NLGN4X: variants seen among roughly 807,000 people sequenced by gnomAD.
The protein encoded by NLGN4X is neuroligin-4, X-linked.
In NLGN4X, 3 loss-of-function variants were observed where a neutral mutation model predicts 40.3. That is an observed-to-expected ratio of 0.07 (90% CI 0.03 to 0.19). NLGN4X has a LOEUF of 0.19. NLGN4X is among the 10% of genes least tolerant of loss of function. NLGN4X has a pLI of 1.00. For synonymous variants in NLGN4X, 270 were observed against 306.8 expected (o/e 0.88, Z 1.25); for missense variants, 382 against 708.3 (o/e 0.54, Z 5.23).
chrX:6,175,315 C>T (rs1437227190), intron 1 of NLGN4X, among the ~76,000 whole-genome samples: 1 of 110,110 alleles, frequency 9.1e-6, no homozygotes, highest in Non-Finnish European at 1.9e-5. Context: ...GTATTTCTGC[C>T]TCAGCGTAGA....
chrX:6,183,065 G>A (rs1226794847), intron 1 of NLGN4X, among the ~76,000 whole-genome samples: 2 of 111,819 alleles, frequency 1.8e-5, no homozygotes, highest in Admixed American at 1.9e-4. Context: ...AGATGTGAAC[G>A]ACTGCATTTC....
chrX:6,188,720 T>C (rs1462946040), intron 1 of NLGN4X, among the ~76,000 whole-genome samples: 1 of 111,823 alleles, frequency 8.9e-6, no homozygotes, highest in Non-Finnish European at 1.9e-5. Flanking sequence ...AGAATTATCC[T>C]GATCATCCCT....
At chrX:6,181,701 A>G (rs989723686) in intron 1 of NLGN4X, among the ~76,000 whole-genome samples, 2 of 111,804 alleles carry the variant, frequency 1.8e-5, no homozygotes, top group Non-Finnish European at 3.8e-5. Flanking sequence ...TTAATCCTTG[A>G]TCCAATCACC....
intron 3 of NLGN4X, among the ~76,000 whole-genome samples, chrX:5,951,320 T>C (rs2034304191): frequency 8.9e-6 from 1 of 111,818 alleles, no homozygotes; most frequent in Admixed American, 9.5e-5. Context: ...TTTCTGACAT[T>C]TGAGCAATTT....
rs184951586 is a variant in NLGN4X, at chrX:6,023,330, C to T, written c.625+5950G>A. On this transcript the variant is annotated intron_variant, in intron 3 of 5. Coordinates refer to ENST00000381095, the MANE Select transcript of NLGN4X (RefSeq NM_181332.3). ...GCCTTCAAGGACCCACTTTGAGGAA[C>T]TTAAAAATACACTGTAAGCATCTTA... Among the ~76,000 whole-genome samples the T allele has an allele frequency of 1.3e-4, 15 of 112,179 alleles. No homozygotes were observed. In the East Asian group the frequency reaches 2.8e-3, roughly 21 times the overall value.
intron 3 of NLGN4X, among the ~76,000 whole-genome samples, chrX:5,932,242 A>C (rs762579599): frequency 8.9e-6 from 1 of 111,762 alleles, no homozygotes; most frequent in Admixed American, 9.6e-5. Context: ...AAACTTCTTC[A>C]GTGCGCCAGA....
intron 4 of NLGN4X, 43 bp downstream of exon 4, chrX:5,909,011 G>T: frequency 8.4e-7 from 1 of 1,192,405 alleles, no homozygotes; most frequent in South Asian, 1.8e-5. Context: ...TCATTTCTTG[G>T]TTCAGGGTAT....
rs1159479932 is a variant in NLGN4X, at chrX:5,945,799, G to T, written c.626-36560C>A. ...GGGTGAAGGGTGGGGGTAGGGAGAG[G>T]ATCAAAAAAATAACTAATGCGTACT... On this transcript the variant is annotated intron_variant, in intron 3 of 5. Coordinates refer to ENST00000381095, the MANE Select transcript of NLGN4X (RefSeq NM_181332.3). Among the ~76,000 whole-genome samples the T allele has an allele frequency of 5.4e-5, 6 of 110,505 alleles. No homozygotes were observed. In the Admixed American group the frequency reaches 5.8e-4, roughly 11 times the overall value.
intron 2 of NLGN4X, among the ~76,000 whole-genome samples, chrX:6,042,730 T>TATATATATATATATATATACAC (rs1215396694): frequency 5.0e-5 from 1 of 20,149 alleles, no homozygotes; most frequent in Non-Finnish European, 9.1e-5. Flanking sequence ...TATATATATA[T>TATATATATATATATATATACAC]ACACACACAC....
chrX:6,220,226 A>G (rs765614595), intron 1 of NLGN4X, among the ~76,000 whole-genome samples: 37 of 111,374 alleles, frequency 3.3e-4, no homozygotes, highest in African/African-American at 1.2e-3. Flanking sequence ...TTTTTCAACA[A>G]TTTAAAGTCT....
At chrX:6,076,099 C>T (rs2038188401) in intron 2 of NLGN4X, among the ~76,000 whole-genome samples, 1 of 111,630 alleles carries the variant, frequency 9.0e-6, no homozygotes, top group African/African-American at 3.3e-5. Flanking sequence ...AATTGGCCTC[C>T]AAGACTTGCC....
chrX:5,939,507 T>C (rs2033848788), intron 3 of NLGN4X, among the ~76,000 whole-genome samples: 1 of 111,438 alleles, frequency 9.0e-6, no homozygotes, highest in East Asian at 2.8e-4. Flanking sequence ...TTGGCTGAAT[T>C]ACTATATTAT....
chrX:6,005,901 T>G (rs1602050246), intron 3 of NLGN4X, among the ~76,000 whole-genome samples: 1 of 111,111 alleles, frequency 9.0e-6, no homozygotes, highest in East Asian at 2.9e-4. Flanking sequence ...TCATTTACTA[T>G]CCCCCTAAGT....
At chrX:5,905,050 T>C (rs924452421) in intron 4 of NLGN4X, among the ~76,000 whole-genome samples, 16 of 106,601 alleles carry the variant, frequency 1.5e-4, no homozygotes, top group African/African-American at 5.3e-4. Context: ...TGCTTGGCTC[T>C]GAAGATTATT....
intron 3 of NLGN4X, among the ~76,000 whole-genome samples, chrX:6,021,091 TCC>T (rs869310651): frequency 0.012 from 578 of 47,803 alleles, 4 homozygotes; most frequent in East Asian, 0.039. Context: ...TCTCTCTCTC[TCC>T]CCCTCTCCCT....
At chrX:5,900,984 CA>C (rs1420964643) in intron 5 of NLGN4X, among the ~76,000 whole-genome samples, 4 of 111,833 alleles carry the variant, frequency 3.6e-5, no homozygotes, top group African/African-American at 1.3e-4. Flanking sequence ...TTTCTTCACA[CA>C]AAAAAGAACC....
At chrX:5,929,223 G>A (rs2033448352) in intron 3 of NLGN4X, among the ~76,000 whole-genome samples, 1 of 111,701 alleles carries the variant, frequency 9.0e-6, no homozygotes, top group South Asian at 3.7e-4. Flanking sequence ...AGCACTTTGG[G>A]AGGCCGAGGT....
chrX:6,200,771 T>C (rs1415734091), intron 1 of NLGN4X, among the ~76,000 whole-genome samples: 1 of 101,453 alleles, frequency 9.9e-6, no homozygotes, highest in East Asian at 3.1e-4. Flanking sequence ...ATTATAACCT[T>C]GAATACCCAG....
At chrX:5,947,225 GT>G (rs1487646883) in intron 3 of NLGN4X, among the ~76,000 whole-genome samples, 1 of 111,705 alleles carries the variant, frequency 9.0e-6, no homozygotes, top group African/African-American at 3.3e-5. Context: ...GGGTCTAATG[GT>G]AGTTCTGCTT....
Sources: allele counts gnomAD v4.1 joint callset (sites outside exome capture counted in the v4.1 genomes callset), GRCh38; gene constraint gnomAD v4.1.1; transcripts MANE v1.5; gene names NCBI Gene and HGNC (gene_info 2026-07-23, HGNC 2026-07-21).